Variants in DAB1 observed in about 807,000 individuals in gnomAD.
DAB1 encodes DAB adaptor protein 1, also known as disabled homolog 1.
A neutral mutation model predicts 64.6 loss-of-function variants in DAB1; 15 were observed. That is an observed-to-expected ratio of 0.23 (90% confidence interval 0.16 to 0.36). The LOEUF (loss-of-function observed/expected upper bound fraction) is 0.36, where lower values mean the gene tolerates loss of function less well. Ranked by LOEUF, DAB1 falls within the 10% of genes least tolerant of loss-of-function variation. DAB1 has a pLI of 1.00. For missense variants in DAB1, 596 were observed against 706.7 expected, an observed-to-expected ratio of 0.84 and a Z score of 1.78; for synonymous variants, 235 against 251.9, an observed-to-expected ratio of 0.93 and a Z score of 0.64.
rs530898227 is a variant in DAB1, at chr1:57,981,632, T to TA, written n.388-97471_388-97470insT. Reference sequence around the variant, plus strand: ...TCTTTCAATATCCTGGCTTTATATATTTTTTGCCTGCTTGTGACTATCCTT... The same window carrying TA: ...TCTTTCAATATCCTGGCTTTATATATATTTTTGCCTGCTTGTGACTATCCTT... On this transcript the variant is annotated intron_variant and non_coding_transcript_variant, in intron 5 of 20. Coordinates refer to the DAB1 transcript ENST00000485760. Among the ~76,000 whole-genome samples the TA allele has an allele frequency of 1.4e-3, 209 of 152,304 alleles. 8 individuals carry two copies. The South Asian group carries it at 0.041, about 30-fold the overall frequency.
At chr1:58,434,393 A>T (rs1220394866) in intron 3 of DAB1, among the ~76,000 whole-genome samples, 2 of 143,588 alleles carry the variant, frequency 1.4e-5, no homozygotes, top group Admixed American at 6.9e-5. Flanking sequence ...GAGGGCGTGG[A>T]TGTAGGACAT....
At chr1:57,840,187 GA>G (rs1258088878) in intron 1 of DAB1, among the ~76,000 whole-genome samples, 5 of 152,178 alleles carry the variant, frequency 3.3e-5, no homozygotes, top group Non-Finnish European at 2.9e-5. Context: ...AAGCCACATA[GA>G]AATGTTAGAA....
At chr1:57,880,220 A>C (rs1326252879) in intron 1 of DAB1, 1 of 151,634 alleles carries the variant, frequency 6.6e-6, no homozygotes, top group Admixed American at 6.6e-5. Context: ...CTGCTCTGCT[A>C]CAAAGCTGGA....
At chr1:57,971,837 C>G (rs1645803585) in intron 5 of DAB1, among the ~76,000 whole-genome samples, 1 of 152,078 alleles carries the variant, frequency 6.6e-6, no homozygotes, top group South Asian at 2.1e-4. Flanking sequence ...TCATTATGTA[C>G]CAATAATAAT....
chr1:57,654,964 G>A lies in DAB1; in HGVS notation n.552-5299C>T, dbSNP rs554426892. 4.9e-4 allele frequency among the ~76,000 whole-genome samples: 75 copies of A among 152,194 alleles called. No homozygotes were observed. The Middle Eastern group carries it at 0.01, about 21-fold the overall frequency. On this transcript the variant is annotated intron_variant and non_coding_transcript_variant, in intron 6 of 20. Transcript: ENST00000485760. The stretch of plus-strand genomic sequence containing the variant: ...AAAGTCAGAATTAAGTAACCTTTCT[G>A]TATAGCTATGCTTTGTCCTGGTACC...
chr1:58,492,874 C>G (rs1196561901), intron 3 of DAB1, among the ~76,000 whole-genome samples: 1 of 152,156 alleles, frequency 6.6e-6, no homozygotes, highest in African/African-American at 2.4e-5. Flanking sequence ...TGAAACTATT[C>G]CAATCAACAG....
At chr1:57,721,712 A>G (rs1647153243) in intron 6 of DAB1, among the ~76,000 whole-genome samples, 1 of 152,198 alleles carries the variant, frequency 6.6e-6, no homozygotes, top group Non-Finnish European at 1.5e-5. Context: ...CAGGGCCAGT[A>G]GCTGGTCACC....
intron 4 of DAB1, among the ~76,000 whole-genome samples, chr1:57,073,948 C>T (rs1040097963): frequency 2.0e-5 from 3 of 152,158 alleles, no homozygotes; most frequent in Non-Finnish European, 4.4e-5. Context: ...GCAATCTTGC[C>T]TCACTGCAAC....
intron 9 of DAB1, among the ~76,000 whole-genome samples, chr1:57,028,463 G>A (rs1322886190): frequency 6.6e-6 from 1 of 152,168 alleles, no homozygotes; most frequent in African/African-American, 2.4e-5. Flanking sequence ...GTAGAGTGAG[G>A]TGTTGCTGAA....
intron 6 of DAB1, among the ~76,000 whole-genome samples, chr1:57,690,925 T>G (rs1646756100): frequency 1.3e-5 from 2 of 152,222 alleles, no homozygotes; most frequent in South Asian, 4.1e-4. Flanking sequence ...TATGCCTGTT[T>G]ACCATTTGTG....
intron 7 of DAB1, among the ~76,000 whole-genome samples, chr1:57,561,238 T>C (rs2264665): frequency 0.24 from 36,195 of 152,042 alleles, 4,548 homozygotes; most frequent in South Asian, 0.41. Context: ...TTCTTAACAA[T>C]ATGCAGGAAC....
chr1:57,955,742 C>T (rs1468074762), intron 5 of DAB1, among the ~76,000 whole-genome samples: 2 of 152,014 alleles, frequency 1.3e-5, no homozygotes, highest in Non-Finnish European at 1.5e-5. Context: ...CACTGCTACT[C>T]CATGAGCTCC....
At chr1:58,528,046 T>C (rs1646379055) in intron 1 of DAB1, among the ~76,000 whole-genome samples, 2 of 152,230 alleles carry the variant, frequency 1.3e-5, no homozygotes. Context: ...AAGCAATCTT[T>C]CAAAGGTAGC....
At chr1:58,167,556 C>T (rs986961874) in intron 4 of DAB1, among the ~76,000 whole-genome samples, 8 of 152,222 alleles carry the variant, frequency 5.3e-5, no homozygotes, top group African/African-American at 1.9e-4. Context: ...GCTGGCCACC[C>T]AAGCCAGCAG....
chr1:57,097,539 T>C (rs751486474), intron 4 of DAB1, among the ~76,000 whole-genome samples: 19 of 152,174 alleles, frequency 1.2e-4, no homozygotes, highest in Non-Finnish European at 2.1e-4. Flanking sequence ...GCTGGAAATA[T>C]GGAGGACTAT....
intron 5 of DAB1, among the ~76,000 whole-genome samples, chr1:58,130,661 A>G (rs1653490601): frequency 1.3e-5 from 2 of 151,934 alleles, no homozygotes; most frequent in African/African-American, 2.4e-5. Context: ...TGGTGGTGAC[A>G]AAATCTCTCA....
chr1:57,717,671 A>G (rs1419850745), intron 6 of DAB1, among the ~76,000 whole-genome samples: 1 of 152,178 alleles, frequency 6.6e-6, no homozygotes, highest in Non-Finnish European at 1.5e-5. Flanking sequence ...ATTAACCTAA[A>G]TACCCATCTA....
chr1:57,012,735 A>T (rs1646302893), intron 12 of DAB1, among the ~76,000 whole-genome samples: 1 of 152,224 alleles, frequency 6.6e-6, no homozygotes, highest in African/African-American at 2.4e-5. Context: ...ATATGCAAAC[A>T]CCCTGAAGGG....
chr1:58,381,589 G>C (rs1222645408), intron 3 of DAB1, among the ~76,000 whole-genome samples: 2 of 152,142 alleles, frequency 1.3e-5, no homozygotes, highest in African/African-American at 2.4e-5. Flanking sequence ...ATATAGAAAT[G>C]GTGAAATGTA....
Sources: allele counts gnomAD v4.1 joint callset (sites outside exome capture counted in the v4.1 genomes callset), GRCh38; gene constraint gnomAD v4.1.1; transcripts MANE v1.5; gene names NCBI Gene and HGNC (gene_info 2026-07-23, HGNC 2026-07-21).